Variants in ESR1 observed in about 807,000 individuals in gnomAD.
ESR1 encodes estrogen receptor.
ESR1 carries 12 observed loss-of-function variants against 52.7 expected under a neutral mutation model. That is an observed-to-expected ratio of 0.23 (90% CI 0.15 to 0.37). The LOEUF is 0.37. Ranked by LOEUF, ESR1 falls within the 10% of genes least tolerant of loss-of-function variation. The pLI is 1.00. For synonymous variants in ESR1, 305 were observed against 316.8 expected, an observed-to-expected ratio of 0.96 and a Z score of 0.39; for missense variants, 584 against 779.7, an observed-to-expected ratio of 0.75 and a Z score of 2.99.
intron 4 of ESR1, among the ~76,000 whole-genome samples, chr6:151,983,058 G>A (rs1223045046): frequency 6.6e-6 from 1 of 152,086 alleles, no homozygotes; most frequent in African/African-American, 2.4e-5. Context: ...GAAAAATTCT[G>A]TTCCTTAGCT....
upstream of ESR1, among the ~76,000 whole-genome samples, chr6:151,802,304 G>A (rs917341476): frequency 6.6e-6 from 1 of 152,050 alleles, no homozygotes; most frequent in African/African-American, 2.4e-5. Flanking sequence ...GAAAATTGAT[G>A]GTATCAGATA....
intron 2 of ESR1, among the ~76,000 whole-genome samples, chr6:151,746,051 T>C (rs1206838141): frequency 1.3e-5 from 2 of 152,218 alleles, no homozygotes; most frequent in Non-Finnish European, 2.9e-5. Context: ...TTCTTCCTTT[T>C]CAGGGCTGAA....
intron 2 of ESR1, among the ~76,000 whole-genome samples, chr6:151,769,917 A>G (rs1785370459): frequency 1.3e-5 from 2 of 152,042 alleles, no homozygotes; most frequent in African/African-American, 4.8e-5. Flanking sequence ...AGTCCCGGCT[A>G]CTCGGGAAAC....
intron 1 of ESR1, among the ~76,000 whole-genome samples, chr6:151,833,685 G>A (rs1265843188): frequency 6.6e-6 from 1 of 152,218 alleles, no homozygotes; most frequent in African/African-American, 2.4e-5. Flanking sequence ...CACAGTGGAG[G>A]TTATGGTATA....
intron 2 of ESR1, among the ~76,000 whole-genome samples, chr6:151,786,301 C>T (rs1441368624): frequency 6.6e-6 from 1 of 152,186 alleles, no homozygotes; most frequent in Non-Finnish European, 1.5e-5. Context: ...CTGCTGCGAG[C>T]CTCCTGGCAC....
chr6:151,714,780 A>C (rs1490116430), intron 2 of ESR1, among the ~76,000 whole-genome samples: 1 of 151,456 alleles, frequency 6.6e-6, no homozygotes, highest in Non-Finnish European at 1.5e-5. Context: ...ATGGGTCTTG[A>C]CTCTTTATCC....
intron 1 of ESR1, among the ~76,000 whole-genome samples, chr6:151,697,367 C>A (rs1451451120): frequency 6.6e-6 from 1 of 152,268 alleles, no homozygotes; most frequent in East Asian, 1.9e-4. Flanking sequence ...CACTGATGTG[C>A]GCAGTGAGAA....
At chr6:152,006,219 G>A (rs1239811871) in intron 4 of ESR1, among the ~76,000 whole-genome samples, 4 of 151,964 alleles carry the variant, frequency 2.6e-5, no homozygotes, top group Non-Finnish European at 4.4e-5. Context: ...TCTAACAGTA[G>A]TACATATTTG....
chr6:151,699,825 C>T (rs1394533904), intron 1 of ESR1, among the ~76,000 whole-genome samples: 1 of 152,140 alleles, frequency 6.6e-6, no homozygotes, highest in African/African-American at 2.4e-5. Flanking sequence ...CATCCATTCT[C>T]TTAGGTCAAG....
intron 3 of ESR1, among the ~76,000 whole-genome samples, chr6:151,899,076 G>A (rs1796069797): frequency 7.0e-6 from 1 of 143,876 alleles, no homozygotes; most frequent in South Asian, 2.2e-4. Flanking sequence ...CGGGTGGGGG[G>A]CTGACCCCCC....
chr6:151,944,114 G>T (rs1032318307), intron 3 of ESR1, 59 bp from the exon 4 acceptor site: 8 of 1,484,712 alleles, frequency 5.4e-6, no homozygotes, highest in Admixed American at 1.7e-5. Flanking sequence ...AAAATTTTTT[G>T]TATAAAAGTT....
At chr6:152,106,212 T>C (rs2051065569), downstream of ESR1, among the ~76,000 whole-genome samples, 1 of 152,258 alleles carries the variant, frequency 6.6e-6, no homozygotes, top group African/African-American at 2.4e-5. Context: ...ACATATATTA[T>C]ATCTATATAT....
At position 151,695,511 on chromosome 6, in the gene ESR1, G is replaced by A. The variant is rs1449519747; in HGVS notation, c.-202+4847G>A. ...TTTCCAACTGTTTCCTTGTCAAAAT[G>A]ACCAGCAGCTCAGCTCCCCTAAACA... On this transcript the variant is annotated intron_variant, in intron 1 of 2. Transcript: ENST00000404742. Among the ~76,000 whole-genome samples the A allele has an allele frequency of 2.0e-5, 3 of 152,264 alleles. 1 individual carries two copies. In the East Asian group the frequency reaches 5.8e-4, roughly 29 times the overall value.
Position 151,738,004 on chromosome 6 carries a change from A to G in ESR1, c.-71+35999A>G, listed in dbSNP as rs567482366. On this transcript the variant is annotated intron_variant, in intron 2 of 2. Coordinates refer to the ESR1 transcript ENST00000404742. ...AGAATTGTGGTTTTAATGTTTTGTTATTGATGATGATTTGTAAGTCTTTGC... is the reference window on the plus strand; with the variant it reads ...AGAATTGTGGTTTTAATGTTTTGTTGTTGATGATGATTTGTAAGTCTTTGC... Among the ~76,000 whole-genome samples the G allele has an allele frequency of 2.0e-5, 3 of 152,266 alleles. No homozygotes were observed. In the South Asian group the frequency reaches 6.2e-4, roughly 32 times the overall value.
intron 4 of ESR1, among the ~76,000 whole-genome samples, chr6:151,976,371 C>T (rs1245630686): frequency 6.6e-6 from 1 of 151,912 alleles, no homozygotes; most frequent in Non-Finnish European, 1.5e-5. Context: ...ACAATTAATC[C>T]ATCATCTGGT....
At chr6:151,732,991 TG>T (rs1782371524) in intron 2 of ESR1, among the ~76,000 whole-genome samples, 2 of 152,248 alleles carry the variant, frequency 1.3e-5, no homozygotes, top group Non-Finnish European at 2.9e-5. Flanking sequence ...TTGTTTCTCT[TG>T]TTCCTTTATC....
intron 2 of ESR1, among the ~76,000 whole-genome samples, chr6:151,787,027 G>T (rs181244993): frequency 6.6e-6 from 1 of 152,108 alleles, no homozygotes; most frequent in Admixed American, 6.5e-5. Flanking sequence ...CAGGCTGGTC[G>T]TGAACTCCTG....
At chr6:151,692,379 G>C (rs549897965) in intron 1 of ESR1, among the ~76,000 whole-genome samples, 3 of 152,260 alleles carry the variant, frequency 2.0e-5, no homozygotes, top group African/African-American at 7.2e-5. Flanking sequence ...CAGAACAATC[G>C]CTTGGGCTGA....
intron 5 of ESR1, among the ~76,000 whole-genome samples, chr6:152,056,357 A>T (rs1315622599): frequency 6.6e-6 from 1 of 152,214 alleles, no homozygotes; most frequent in Non-Finnish European, 1.5e-5. Context: ...ACTTTTCTTC[A>T]GGACAGCTAA....
Sources: allele counts gnomAD v4.1 joint callset (sites outside exome capture counted in the v4.1 genomes callset), GRCh38; gene constraint gnomAD v4.1.1; transcripts MANE v1.5; gene names NCBI Gene and HGNC (gene_info 2026-07-23, HGNC 2026-07-21).